The following TEF variants were observed in gnomAD, a reference collection of about 807,000 sequenced individuals.
TEF encodes TEF transcription factor, PAR bZIP family member.
Under a neutral mutation model 20.8 loss-of-function variants are expected in TEF, and 3 were observed. The ratio of observed to expected loss-of-function variants is 0.14; its 90% CI spans 0.07 to 0.37. The LOEUF is 0.37. TEF is among the 10% of genes least tolerant of loss of function. The probability of loss-of-function intolerance (pLI) is 1.00; values close to 1 mark genes in which losing one functional copy is unlikely to be tolerated. For synonymous variants in TEF, 180 were observed against 171.1 expected, an observed-to-expected ratio of 1.05 and a Z score of -0.41; for missense variants, 296 against 397.9, an observed-to-expected ratio of 0.74 and a Z score of 2.18.
At chr22:41,368,934 A>G in intron 1 of TEF, 1 of 390,924 alleles carries the variant, frequency 2.6e-6, no homozygotes, top group Non-Finnish European at 3.5e-6. Context: ...AACAAGCCAC[A>G]GCTGACTTTT....
intron 1 of TEF, among the ~76,000 whole-genome samples, chr22:41,374,186 G>A (rs2145964422): frequency 6.6e-6 from 1 of 152,102 alleles, no homozygotes; most frequent in Middle Eastern, 3.4e-3. Flanking sequence ...TGGGAGGAGT[G>A]CTTGAGCCCA....
chr22:41,386,604 T>C lies in TEF; in HGVS notation c.158-747T>C, dbSNP rs113801916. On this transcript the variant is annotated intron_variant, in intron 1 of 3. Transcript: ENST00000266304. ...AAAAATACAAAAAATTAGCTGGTCATGGTGGCAGGCTCCTGTAATCCCAGT... is the reference window on the plus strand; with the variant it reads ...AAAAATACAAAAAATTAGCTGGTCACGGTGGCAGGCTCCTGTAATCCCAGT... Among the ~76,000 whole-genome samples, 10 of 150,968 alleles carry C rather than the reference T, an allele frequency of 6.6e-5. 2 individuals are homozygous for C. The highest frequency in any genetic ancestry group is 2.4e-4 in the African/African-American group (10 of 40,932).
intron 1 of TEF, among the ~76,000 whole-genome samples, chr22:41,374,771 C>CATTG (rs2036920908): frequency 6.6e-6 from 1 of 151,452 alleles, no homozygotes; most frequent in South Asian, 2.1e-4. Context: ...TGAAGTGGAT[C>CATTG]ATTGTAAAGG....
intron 1 of TEF, among the ~76,000 whole-genome samples, chr22:41,374,951 T>C (rs936148064): frequency 2.6e-5 from 4 of 152,074 alleles, no homozygotes; most frequent in Non-Finnish European, 4.4e-5. Context: ...AGTAGACTCA[T>C]GCAGTCCAAA....
chr22:41,388,756 T>C (rs1241436654), intron 2 of TEF, among the ~76,000 whole-genome samples: 3 of 152,162 alleles, frequency 2.0e-5, no homozygotes, highest in Non-Finnish European at 2.9e-5. Flanking sequence ...TGCAAAGCTT[T>C]CTGCAGTCTC....
chr22:41,367,755 G>T (rs1247045963), intron 1 of TEF, among the ~76,000 whole-genome samples: 3 of 152,150 alleles, frequency 2.0e-5, no homozygotes, highest in Non-Finnish European at 4.4e-5. Context: ...GCGGAGAGGG[G>T]TTCGAGGAGG....
At chr22:41,380,489 T>G (rs535180684), upstream of TEF, among the ~76,000 whole-genome samples, 1 of 152,124 alleles carries the variant, frequency 6.6e-6, no homozygotes, top group Non-Finnish European at 1.5e-5. Flanking sequence ...CTTGATAACT[T>G]TTAGCTGGCT....
upstream of TEF, among the ~76,000 whole-genome samples, chr22:41,378,834 G>GT (rs2036979605): frequency 6.6e-6 from 1 of 152,164 alleles, no homozygotes; most frequent in Admixed American, 6.5e-5. Context: ...CCCTAAAGGT[G>GT]TTTAAGTTTC....
intron 1 of TEF, chr22:41,369,237 C>T (rs1393190336): frequency 1.0e-6 from 1 of 985,270 alleles, no homozygotes; most frequent in Admixed American, 6.2e-5. Context: ...TCTGTGGGGC[C>T]CTGCAATAGC....
At position 41,396,386 on chromosome 22, in the gene TEF, C is replaced by T. The variant is rs1028508919; in HGVS notation, c.*426C>T. On this transcript the variant is annotated 3_prime_UTR_variant, in exon 4 of 4. Coordinates refer to ENST00000266304, the MANE Select transcript of TEF (RefSeq NM_003216.4). ...CCCTATGTCTTCTCAGGTAGCAGGG[C>T]GCGTTTCCACTTAAGGTGTGTCTGT... 1.1e-5 allele frequency: 2 copies of T among 174,690 alleles called. No individual in the cohort carries two copies. Among genetic ancestry groups the T allele is most frequent in the African/African-American group, 4.7e-5 (2 of 42,208 alleles). The allele number at this position is 174,690 out of a possible 1,614,324, so 10.8% of individuals were successfully genotyped here.
Position 41,396,106 on chromosome 22 carries a change from T to C in TEF, c.*146T>C. ...GCTGCAGGAGCGGCCACGTCTCAGC[T>C]TCATTATACCATGGCCTGCGCACGT... On this transcript the variant is annotated 3_prime_UTR_variant, in exon 4 of 4. Coordinates refer to ENST00000266304, the MANE Select transcript of TEF (RefSeq NM_003216.4). The C allele has an allele frequency of 1.2e-6, 1 of 846,986 alleles. No individual in the cohort carries two copies. The highest frequency in any genetic ancestry group is 1.8e-6 in the Non-Finnish European group (1 of 554,194). 52.5% of individuals were successfully genotyped at this position (846,986 alleles called of 1,614,324 possible). A position where few individuals can be genotyped will look rare whatever the true frequency, so the allele number is the denominator to read the frequency against.
At chr22:41,387,729 G>A (rs1284597012) in intron 2 of TEF, 61 bp downstream of exon 2, 84 of 1,499,784 alleles carry the variant, frequency 5.6e-5, no homozygotes, top group Middle Eastern at 3.5e-4. Context: ...ATTTCCCACT[G>A]AGGGCTGCTT....
Position 41,374,551 on chromosome 22 carries a change from C to CA in TEF, c.67+6967dup, listed in dbSNP as rs778761708. On this transcript the variant is annotated intron_variant, in intron 1 of 3. Transcript: ENST00000406644. ...TGGACAACTGAGCAAGACTCTGTCT[C>CA]AAAAAAAAAAAAAAATTAGCCAGGC... Among the ~76,000 whole-genome samples the CA allele has an allele frequency of 8.1e-3, 1,060 of 131,002 alleles. 6 individuals are homozygous for CA. The highest frequency in any genetic ancestry group is 0.022 in the South Asian group (89 of 4,078). The allele number at this position is 131,002 out of a possible 152,430, so 85.9% of individuals were successfully genotyped here.
In TEF at chr22:41,397,209, C is replaced by T. The variant is rs1227146967; in HGVS notation, c.*1249C>T. On this transcript the variant is annotated 3_prime_UTR_variant, in exon 4 of 4. Coordinates refer to ENST00000266304, the MANE Select transcript of TEF (RefSeq NM_003216.4). ...GGCCTAGGGTCCCCTCAGTCTTGGT[C>T]CCAGGAGATGGGGGCCACTCGTGAG... 5.0e-6 allele frequency: 2 copies of T among 397,948 alleles called. No individual in the cohort carries two copies. Among genetic ancestry groups the T allele is most frequent in the Non-Finnish European group, 8.8e-6 (2 of 226,014 alleles). The allele number at this position is 397,948 out of a possible 1,614,324, so 24.7% of individuals were successfully genotyped here.
intron 1 of TEF, chr22:41,369,229 T>C (rs961871913): frequency 1.0e-6 from 1 of 985,304 alleles, no homozygotes; most frequent in African/African-American, 1.7e-5. Context: ...CCAGCTGGTC[T>C]GTGGGGCCCT....
chr22:41,367,549 T>G (rs1197515163), exon 1 of TEF: 8 of 1,551,236 alleles, frequency 5.2e-6, no homozygotes, highest in Non-Finnish European at 7.0e-6. Flanking sequence ...ATGCCTGAGG[T>G]CCTCAAGTCC....
In TEF at chr22:41,394,230, C is replaced by T. The variant is rs199634042; in HGVS notation, c.610C>T (p.Arg204Trp). The change falls in exon 3 of 4, where the codon CGG (arginine) becomes TGG (tryptophan). Residue 204 changes from arginine to tryptophan, a missense_variant. Around this residue, in one of 2 missense-constraint regions of TEF, gnomAD observed 194 missense variants for 317.8 expected, o/e 0.61. Transcript: ENST00000266304. ...SVPGGELFNPRKHKFAEEDLK... is the reference protein window; with the variant it reads ...SVPGGELFNPWKHKFAEEDLK... ...GCCAGGCGGGGAGCTCTTCAACCCT[C>T]GGAAGCACAAGTTTGCTGAGGAGGA... 103 of 1,614,134 alleles carry T rather than the reference C, an allele frequency of 6.4e-5. No homozygotes were observed. The highest frequency in any genetic ancestry group is 7.7e-5 in the Non-Finnish European group (91 of 1,180,024).
chr22:41,395,834 C>T lies in TEF; in HGVS notation c.786C>T (p.Thr262=). ...GGCGCCTGAAAGAGAATCAGATCAC[C>T]ATCCGGGCAGCCTTCCTGGAGAAGG... ...DARRLKENQI[T]IRAAFLEKEN... The change falls in exon 4 of 4, where the codon ACC becomes ACT. Residue 262 remains threonine (T), a synonymous_variant. Transcript: ENST00000266304. 1 of 1,614,212 alleles carries T rather than the reference C, an allele frequency of 6.2e-7. No homozygotes were observed. Among genetic ancestry groups the T allele is most frequent in the Non-Finnish European group, 8.5e-7 (1 of 1,180,032 alleles).
At chr22:41,376,429 T>C (rs931917615) in intron 1 of TEF, among the ~76,000 whole-genome samples, 1 of 152,198 alleles carries the variant, frequency 6.6e-6, no homozygotes, top group Admixed American at 6.5e-5. Context: ...GGTTTTGCCA[T>C]GTTGGCCAGG....
Sources: gnomAD v4.1 joint callset for allele counts (sites outside exome capture counted in the v4.1 genomes callset) on GRCh38, gnomAD v4.1.1 for gene constraint, gnomAD v4.1.1 regional missense constraint, MANE v1.5 for transcripts, NCBI Gene and HGNC (gene_info 2026-07-23, HGNC 2026-07-21) for gene names.